SUN3: variants seen among roughly 807,000 people sequenced by gnomAD.
The protein encoded by SUN3 is SUN domain-containing protein 3.
SUN3 carries 36 observed loss-of-function variants against 48.2 expected under a neutral mutation model. That is an observed-to-expected ratio of 0.75 (90% confidence interval 0.57 to 0.99). The LOEUF (loss-of-function observed/expected upper bound fraction) is 0.99. Among genes scored for constraint, SUN3 ranks in the 50% least tolerant of loss-of-function variants. The pLI, the probability that SUN3 is intolerant of heterozygous loss-of-function variation, is 0.00. For missense variants in SUN3, 419 were observed against 433.1 expected (o/e 0.97, Z 0.29); for synonymous variants, 148 against 147.9 (o/e 1.00, Z 0.00).
chr7:48,026,581 AAC>A (rs112192395), intron 1 of SUN3, among the ~76,000 whole-genome samples: 59,526 of 145,278 alleles, frequency 0.41, 12,730 homozygotes, highest in Non-Finnish European at 0.49. Flanking sequence ...CCCACCCCCC[AAC>A]ACACACACAC....
At chr7:47,993,966 A>G (rs971685343) in intron 8 of SUN3, among the ~76,000 whole-genome samples, 3 of 152,118 alleles carry the variant, frequency 2.0e-5, no homozygotes, top group Non-Finnish European at 4.4e-5. Flanking sequence ...TAATGGCAAA[A>G]GCCAACATGG....
intron 6 of SUN3, among the ~76,000 whole-genome samples, chr7:48,003,768 C>A (rs1789452850): frequency 6.6e-6 from 1 of 152,178 alleles, no homozygotes; most frequent in Non-Finnish European, 1.5e-5. Context: ...CATCCTGAGA[C>A]TTTGCTGAAG....
At chr7:47,994,199 C>A in intron 8 of SUN3, 116 bp downstream of exon 8, 1 of 910,078 alleles carries the variant, frequency 1.1e-6, no homozygotes, top group South Asian at 1.7e-5. Context: ...AAGCAGAAGT[C>A]CAGGAAATAA....
intron 4 of SUN3, among the ~76,000 whole-genome samples, chr7:48,007,821 G>T (rs961864805): frequency 1.3e-5 from 2 of 151,154 alleles, no homozygotes; most frequent in African/African-American, 4.9e-5. Context: ...TACTTCCCAA[G>T]AATGTTTTTT....
chr7:47,994,489 A>G lies in SUN3; in HGVS notation c.694-7T>C. On this transcript the variant is annotated splice_polypyrimidine_tract_variant and splice_region_variant and intron_variant, in intron 7 of 9. Coordinates refer to ENST00000297325, the MANE Select transcript of SUN3 (RefSeq NM_001030019.2). ...TTCCAGGGTAGACATCCGGCTGGAA[A>G]GAAAACACTGAATTAATCTCTTAAC... The G allele has an allele frequency of 6.3e-7, 1 of 1,589,222 alleles. No individual in the cohort carries two copies. The highest frequency in any genetic ancestry group is 8.5e-7 in the Non-Finnish European group (1 of 1,172,412).
intron 2 of SUN3, among the ~76,000 whole-genome samples, chr7:48,021,151 C>A (rs183551269): frequency 1.3e-5 from 2 of 152,012 alleles, no homozygotes; most frequent in Non-Finnish European, 2.9e-5. Context: ...CAAGAACATA[C>A]GCTGGGGAAA....
chr7:48,003,783 T>C (rs541543829), intron 6 of SUN3, among the ~76,000 whole-genome samples: 1 of 152,326 alleles, frequency 6.6e-6, no homozygotes, highest in African/African-American at 2.4e-5. Flanking sequence ...CTGAAGTTGT[T>C]TATCAGCTTA....
chr7:48,000,394 T>A (rs1179266070), intron 6 of SUN3, among the ~76,000 whole-genome samples: 1 of 152,174 alleles, frequency 6.6e-6, no homozygotes, highest in Non-Finnish European at 1.5e-5. Flanking sequence ...CGCCTCGGCC[T>A]CCCAAAGTGC....
At chr7:48,002,437 C>T (rs1789410693) in intron 6 of SUN3, among the ~76,000 whole-genome samples, 3 of 126,864 alleles carry the variant, frequency 2.4e-5, no homozygotes, top group African/African-American at 1.1e-4. Flanking sequence ...GGATTACAGG[C>T]GTGAGCCACC....
intron 6 of SUN3, among the ~76,000 whole-genome samples, chr7:48,000,616 T>C (rs943998436): frequency 3.3e-5 from 5 of 152,260 alleles, no homozygotes; most frequent in African/African-American, 1.2e-4. Context: ...TCCTGAAAGA[T>C]ATTTTCACTG....
At position 48,005,983 on chromosome 7, in the gene SUN3, G is replaced by T; in HGVS notation, c.563C>A (p.Ala188Asp). 6.2e-7 allele frequency: 1 copy of T among 1,610,820 alleles called. No individual in the cohort carries two copies. The highest frequency in any genetic ancestry group is 8.5e-7 in the Non-Finnish European group (1 of 1,178,452). The change falls in exon 6 of 10, where the codon GCC becomes GAC. Residue 188 changes from alanine (A) to aspartate (D), a missense_variant. Ala to Asp is a moderately radical substitution (Grantham distance 126). Coordinates refer to ENST00000297325, the MANE Select transcript of SUN3 (RefSeq NM_001030019.2). ...TCTGTACTCACCGGCCGACTTCAGG[G>T]CATAATCAGCCATCTCGACTTGGTC... is the stretch of plus-strand genomic sequence containing the variant. ...REDQVEMADY[A>D]LKSAGASIIE...
In SUN3 at chr7:48,028,888, G is replaced by T. The variant is rs146974310; in HGVS notation, c.51C>A (p.Cys17Ter). The T allele has an allele frequency of 3.1e-6, 5 of 1,613,810 alleles. No homozygotes were observed. The highest frequency in any genetic ancestry group is 1.7e-5 in the Admixed American group (1 of 59,988). The change falls in exon 1 of 10, where the codon TGC becomes TGA. Residue 17 changes from cysteine (C) to a stop codon, truncating the protein, a stop_gained. Transcript: ENST00000297325. LOFTEE classifies it high-confidence loss of function. ...ARRAAMFFRRCSEDASGSASG... is the reference protein window; with the variant it reads ...ARRAAMFFRR ...TGGCGCTACCGCTGGCGTCTTCAGA[G>T]CAACGTCTAAAAAACATGGCAGCCC... is the stretch of plus-strand genomic sequence containing the variant.
intron 8 of SUN3, among the ~76,000 whole-genome samples, chr7:47,993,972 C>T (rs113941893): frequency 0.019 from 2,909 of 152,028 alleles, 101 homozygotes; most frequent in African/African-American, 0.067. Context: ...CAAAAGCCAA[C>T]ATGGAGGCAA....
At chr7:48,019,600 C>T (rs1789908557) in intron 2 of SUN3, among the ~76,000 whole-genome samples, 1 of 151,764 alleles carries the variant, frequency 6.6e-6, no homozygotes, top group Non-Finnish European at 1.5e-5. Context: ...ATAAAGAAGA[C>T]ATCAAAACTG....
At chr7:48,018,682 A>G (rs762430770) in intron 2 of SUN3, 1 of 153,434 alleles carries the variant, frequency 6.5e-6, no homozygotes, top group Non-Finnish European at 1.5e-5. Context: ...AGCCCTCAAC[A>G]TGCAACAGCA....
At chr7:48,007,132 A>T in intron 5 of SUN3, 33 bp downstream of exon 5, 1 of 1,373,840 alleles carries the variant, frequency 7.3e-7, no homozygotes, top group Non-Finnish European at 1.0e-6. Flanking sequence ...CCACCACCCC[A>T]CCCTGCCCAA....
chr7:48,007,050 C>A, intron 5 of SUN3, 115 bp downstream of exon 5: 5 of 1,058,196 alleles, frequency 4.7e-6, no homozygotes, highest in Non-Finnish European at 6.7e-6. Context: ...CTGGACTTCC[C>A]ACTGGGAGAA....
intron 6 of SUN3, among the ~76,000 whole-genome samples, chr7:48,000,912 G>T (rs769847864): frequency 6.8e-6 from 1 of 146,016 alleles, no homozygotes. Flanking sequence ...TAGCTATTAC[G>T]TCTTTAGATA....
At chr7:48,031,876 T>A (rs1055104644), upstream of SUN3, among the ~76,000 whole-genome samples, 7 of 116,094 alleles carry the variant, frequency 6.0e-5, no homozygotes, top group African/African-American at 2.5e-4. Flanking sequence ...ACACGGTGGG[T>A]GTGTGGTGGT....
Sources: gnomAD v4.1 joint callset for allele counts (sites outside exome capture counted in the v4.1 genomes callset) on GRCh38, gnomAD v4.1.1 for gene constraint, MANE v1.5 for transcripts, NCBI Gene and HGNC (gene_info 2026-07-23, HGNC 2026-07-21) for gene names.